Variants in ZNF638 observed in about 807,000 individuals in gnomAD.
ZNF638 encodes the protein zinc finger protein 638.
A neutral mutation model predicts 195.6 loss-of-function variants in ZNF638; 46 were observed. The ratio of observed to expected loss-of-function variants is 0.24; its 90% CI spans 0.19 to 0.30. The LOEUF is 0.30. Ranked by LOEUF, ZNF638 falls within the 10% of genes least tolerant of loss-of-function variation. The pLI, the probability that ZNF638 is intolerant of heterozygous loss-of-function variation, is 1.00. For missense variants in ZNF638, 2,440 were observed against 2,325.3 expected, an observed-to-expected ratio of 1.05 and a Z score of -1.01; for synonymous variants, 845 against 772.0, an observed-to-expected ratio of 1.09 and a Z score of -1.57.
intron 25 of ZNF638, 164 bp from the exon 26 acceptor site, chr2:71,431,163 C>T (rs1037936601): frequency 1.6e-5 from 9 of 579,932 alleles, no homozygotes; most frequent in African/African-American, 1.3e-4. Context: ...CCCATTTATT[C>T]CTTACATTAA....
intron 10 of ZNF638, among the ~76,000 whole-genome samples, chr2:71,390,803 A>C (rs570464665): frequency 6.6e-6 from 1 of 152,188 alleles, no homozygotes; most frequent in Non-Finnish European, 1.5e-5. Context: ...AAAAATTGTC[A>C]GCACTGGCTA....
At chr2:71,332,034 G>T (rs1222908560) in intron 1 of ZNF638, among the ~76,000 whole-genome samples, 159 bp downstream of exon 1, 1 of 152,146 alleles carries the variant, frequency 6.6e-6, no homozygotes, top group African/African-American at 2.4e-5. Flanking sequence ...GCGGGAGGAG[G>T]TTGGGGGACC....
intron 1 of ZNF638, among the ~76,000 whole-genome samples, chr2:71,339,443 G>C (rs541894779): frequency 6.6e-6 from 1 of 152,116 alleles, no homozygotes; most frequent in Non-Finnish European, 1.5e-5. Flanking sequence ...GAGCCACCGC[G>C]CCCGGCCAGT....
chr2:71,386,897 G>C (rs1008530442), intron 10 of ZNF638, among the ~76,000 whole-genome samples: 6 of 151,410 alleles, frequency 4.0e-5, no homozygotes, highest in African/African-American at 1.5e-4. Context: ...GCCCAGGCTG[G>C]AGTTCAGTTG....
intron 3 of ZNF638, among the ~76,000 whole-genome samples, chr2:71,358,382 T>G (rs2670705): frequency 0.099 from 14,998 of 152,242 alleles, 805 homozygotes; most frequent in Non-Finnish European, 0.12. Context: ...CAGTTTCCCC[T>G]AATACCAAAT....
At chr2:71,353,891 T>C (rs1415585650) in intron 2 of ZNF638, among the ~76,000 whole-genome samples, 5 of 152,234 alleles carry the variant, frequency 3.3e-5, no homozygotes, top group Non-Finnish European at 5.9e-5. Context: ...ATTAAAAATA[T>C]GGGTTTTAGT....
chr2:71,388,027 G>GA (rs199590942), intron 10 of ZNF638, among the ~76,000 whole-genome samples: 130 of 151,292 alleles, frequency 8.6e-4, no homozygotes, highest in African/African-American at 1.1e-3. Flanking sequence ...TATAATTAAA[G>GA]AAAAAAAAAT....
At chr2:71,398,615 C>A (rs981834926) in intron 11 of ZNF638, 86 bp from the exon 12 acceptor site, 33 of 1,070,656 alleles carry the variant, frequency 3.1e-5, no homozygotes, top group Admixed American at 2.9e-4. Flanking sequence ...GCCTATTATT[C>A]TTACATCTTT....
At chr2:71,356,656 A>G (rs926215215) in intron 3 of ZNF638, among the ~76,000 whole-genome samples, 2 of 152,114 alleles carry the variant, frequency 1.3e-5, no homozygotes, top group African/African-American at 2.4e-5. Flanking sequence ...CAGGCATGGT[A>G]GTACACATCT....
chr2:71,352,609 G>A (rs1321127094), intron 2 of ZNF638, among the ~76,000 whole-genome samples: 1 of 151,974 alleles, frequency 6.6e-6, no homozygotes, highest in Non-Finnish European at 1.5e-5. Context: ...AGAGTGATGA[G>A]CGTATTAGAA....
At chr2:71,389,043 A>T (rs958712087) in intron 10 of ZNF638, among the ~76,000 whole-genome samples, 6 of 152,144 alleles carry the variant, frequency 3.9e-5, no homozygotes, top group Non-Finnish European at 8.8e-5. Flanking sequence ...GGCCTTAGTT[A>T]GGGCTGCTTT....
intron 2 of ZNF638, among the ~76,000 whole-genome samples, chr2:71,354,929 G>A (rs183872621): frequency 3.7e-4 from 57 of 152,040 alleles, no homozygotes; most frequent in African/African-American, 1.1e-3. Flanking sequence ...GTATGGAATG[G>A]TACTGGTCTA....
intron 10 of ZNF638, chr2:71,388,575 C>T (rs542567491): frequency 3.9e-5 from 30 of 762,448 alleles, no homozygotes; most frequent in African/African-American, 2.0e-4. Context: ...GCTGCGCTCA[C>T]GCAAAATACC....
At chr2:71,352,865 A>T (rs2078965332) in intron 2 of ZNF638, among the ~76,000 whole-genome samples, 1 of 152,174 alleles carries the variant, frequency 6.6e-6, no homozygotes, top group Non-Finnish European at 1.5e-5. Flanking sequence ...AAAAGTAAAA[A>T]TTTGAGAGGA....
At chr2:71,365,836 C>G in intron 6 of ZNF638, 130 bp downstream of exon 6, 1 of 912,932 alleles carries the variant, frequency 1.1e-6, no homozygotes, top group Non-Finnish European at 1.6e-6. Flanking sequence ...CCTCCTGCCT[C>G]ATCTTCCCAA....
In ZNF638 at chr2:71,393,366, G is replaced by T. The variant is rs143065863; in HGVS notation, c.2378-2775G>T. 2,783 of 715,426 alleles carry T rather than the reference G, an allele frequency of 3.9e-3. 6 individuals carry two copies. Among genetic ancestry groups the T allele is most frequent in the Non-Finnish European group, 5.8e-3 (2,219 of 382,606 alleles). The allele number at this position is 715,426 out of a possible 1,614,324, so 44.3% of individuals were successfully genotyped here. ...AATGAATTGCTAACGTGGGGAAGAT[G>T]ATATGCTTGTGTTCACACCCCCCTC... On this transcript the variant is annotated intron_variant, in intron 10 of 27. Transcript: ENST00000264447.
At chr2:71,376,690 C>G (rs2079432916) in intron 8 of ZNF638, among the ~76,000 whole-genome samples, 1 of 140,622 alleles carries the variant, frequency 7.1e-6, no homozygotes, top group Non-Finnish European at 1.5e-5. Context: ...TTTGCTGCTT[C>G]TATGAATCTA....
In ZNF638 at chr2:71,399,651, C is replaced by T; in HGVS notation, c.2587+6C>T. ...CAAACCTGTGACTATACCAGGTAAGCTTGAAATGTGGTCATTCAGTGCTTT... is the reference window on the plus strand; with the variant it reads ...CAAACCTGTGACTATACCAGGTAAGTTTGAAATGTGGTCATTCAGTGCTTT... On this transcript the variant is annotated splice_donor_region_variant and intron_variant, in intron 13 of 27. Transcript: ENST00000264447. The T allele has an allele frequency of 1.2e-6, 2 of 1,600,462 alleles. No individual in the cohort carries two copies.
At chr2:71,342,244 C>G (rs1323164457) in intron 1 of ZNF638, among the ~76,000 whole-genome samples, 2 of 134,604 alleles carry the variant, frequency 1.5e-5, no homozygotes, top group Admixed American at 1.5e-4. Context: ...AAAAGTCATA[C>G]TAATATTTAG....
Sources: gnomAD v4.1 joint callset for allele counts (sites outside exome capture counted in the v4.1 genomes callset) on GRCh38, gnomAD v4.1.1 for gene constraint, MANE v1.5 for transcripts, NCBI Gene and HGNC (gene_info 2026-07-23, HGNC 2026-07-21) for gene names.